BTBD9: variants seen among roughly 807,000 people sequenced by gnomAD.
The protein encoded by BTBD9 is BTB/POZ domain-containing protein 9.
In BTBD9, 49 loss-of-function variants were observed where a neutral mutation model predicts 64.3. The observed-to-expected ratio is 0.76, with a 90% CI of 0.61 to 0.97. The LOEUF (loss-of-function observed/expected upper bound fraction) is 0.97, where lower values mean the gene tolerates loss of function less well. Among genes scored for constraint, BTBD9 ranks in the 50% least tolerant of loss-of-function variants. The pLI is 0.00. For missense variants in BTBD9, 598 were observed against 762.1 expected (o/e 0.78, Z 2.53); for synonymous variants, 260 against 274.7 (o/e 0.95, Z 0.53).
chr6:38,574,923 A>T (rs914479278), intron 6 of BTBD9, among the ~76,000 whole-genome samples: 1 of 152,196 alleles, frequency 6.6e-6, no homozygotes, highest in African/African-American at 2.4e-5. Context: ...TTTCTACTAC[A>T]CAGTTCTGAT....
At chr6:38,597,140 ACT>A (rs1470014771) in intron 2 of BTBD9, among the ~76,000 whole-genome samples, 1 of 152,080 alleles carries the variant, frequency 6.6e-6, no homozygotes, top group Non-Finnish European at 1.5e-5. Context: ...AACATGTCTG[ACT>A]CTAGGTGTTG....
intron 6 of BTBD9, among the ~76,000 whole-genome samples, chr6:38,465,703 T>C (rs1562224177): frequency 1.2e-5 from 1 of 81,728 alleles, no homozygotes; most frequent in Non-Finnish European, 2.4e-5. Flanking sequence ...AATAAATAAA[T>C]AAATTATATA....
At chr6:38,423,136 A>G (rs2127280074) in intron 6 of BTBD9, among the ~76,000 whole-genome samples, 1 of 152,108 alleles carries the variant, frequency 6.6e-6, no homozygotes, top group Non-Finnish European at 1.5e-5. Flanking sequence ...TTGGTGGTGC[A>G]TGTCTGTAAT....
intron 9 of BTBD9, among the ~76,000 whole-genome samples, chr6:38,255,370 T>C (rs1764539135): frequency 6.6e-6 from 1 of 152,254 alleles, no homozygotes; most frequent in Non-Finnish European, 1.5e-5. Flanking sequence ...ATACTGTGAC[T>C]ATACTAAAAA....
intron 6 of BTBD9, among the ~76,000 whole-genome samples, chr6:38,435,663 C>G (rs1768694546): frequency 2.2e-5 from 3 of 134,154 alleles, no homozygotes; most frequent in South Asian, 5.3e-4. Flanking sequence ...CTTCCTTTCT[C>G]TCTCTCTCTC....
intron 6 of BTBD9, among the ~76,000 whole-genome samples, chr6:38,387,753 A>C (rs1766241173): frequency 1.3e-5 from 2 of 152,174 alleles, no homozygotes; most frequent in African/African-American, 4.8e-5. Context: ...CCCAGAGGAG[A>C]AATCTGCCAA....
chr6:38,616,359 ATACTATCAGACCCAACGCC>A (rs769222696), intron 1 of BTBD9, among the ~76,000 whole-genome samples: 5 of 152,216 alleles, frequency 3.3e-5, no homozygotes, highest in Non-Finnish European at 7.3e-5. Flanking sequence ...ATGGCCATCA[ATACTATCAGACCCAACGCC>A]TACTTTTTAT....
intron 6 of BTBD9, among the ~76,000 whole-genome samples, chr6:38,522,890 A>G (rs1773330812): frequency 6.6e-6 from 1 of 152,038 alleles, no homozygotes; most frequent in African/African-American, 2.4e-5. Context: ...TCTGCTCAAA[A>G]AAAGAGTCAG....
chr6:38,248,912 C>T (rs771685244), intron 9 of BTBD9, among the ~76,000 whole-genome samples: 11 of 152,032 alleles, frequency 7.2e-5, no homozygotes, highest in Non-Finnish European at 1.2e-4. Flanking sequence ...ATTTCCATAC[C>T]GAAGCAAACT....
chr6:38,369,968 G>T (rs987115207), intron 6 of BTBD9, among the ~76,000 whole-genome samples: 1 of 152,216 alleles, frequency 6.6e-6, no homozygotes. Context: ...GACTACACAG[G>T]CCTGGAAGGA....
At position 38,457,733 on chromosome 6, in the gene BTBD9, A is replaced by G. The variant is rs559917286; in HGVS notation, c.1155-112640T>C. Among the ~76,000 whole-genome samples the G allele has an allele frequency of 9.2e-5, 14 of 152,278 alleles. No individual in the cohort carries two copies. In the South Asian group the frequency reaches 2.9e-3, roughly 32 times the overall value. ...GAGAGCTAGGAGCATATACATGTAT[A>G]AGAAAGGAGAGTATAAGTAGAGAAA... On this transcript the variant is annotated intron_variant, in intron 6 of 10. Transcript: ENST00000481247.
chr6:38,434,328 A>C (rs1768603971), intron 6 of BTBD9, among the ~76,000 whole-genome samples: 1 of 151,968 alleles, frequency 6.6e-6, no homozygotes, highest in African/African-American at 2.4e-5. Flanking sequence ...ATGAGACTTC[A>C]AAGGAACCTT....
intron 9 of BTBD9, among the ~76,000 whole-genome samples, chr6:38,209,760 C>T (rs185321929): frequency 3.9e-5 from 6 of 152,246 alleles, no homozygotes; most frequent in Admixed American, 6.5e-5. Flanking sequence ...GACTACAGTC[C>T]GCTTCCACCT....
intron 6 of BTBD9, among the ~76,000 whole-genome samples, chr6:38,464,537 C>T (rs1380318808): frequency 6.6e-6 from 1 of 151,814 alleles, no homozygotes; most frequent in Non-Finnish European, 1.5e-5. Context: ...ACTCTGTTGC[C>T]CAGGCTGGAG....
chr6:38,587,402 A>C (rs1273403739), intron 4 of BTBD9: 2 of 503,490 alleles, frequency 4.0e-6, no homozygotes, highest in Non-Finnish European at 7.8e-6. Flanking sequence ...ATTCCTATTC[A>C]TAATGAAGAT....
chr6:38,301,408 T>C (rs1762397971), intron 7 of BTBD9, among the ~76,000 whole-genome samples: 1 of 152,234 alleles, frequency 6.6e-6, no homozygotes. Context: ...TCTTTTTCTG[T>C]TGATTGGAGT....
intron 6 of BTBD9, among the ~76,000 whole-genome samples, chr6:38,500,269 A>AG (rs1490512738): frequency 6.8e-6 from 1 of 147,518 alleles, no homozygotes; most frequent in Non-Finnish European, 1.5e-5. Flanking sequence ...GGGTGGTAGT[A>AG]GGGGGGACCT....
At chr6:38,348,784 G>A (rs1028533253) in intron 6 of BTBD9, among the ~76,000 whole-genome samples, 1 of 152,140 alleles carries the variant, frequency 6.6e-6, no homozygotes, top group Admixed American at 6.5e-5. Context: ...AACCCTCCAA[G>A]GACAGCACTC....
intron 1 of BTBD9, among the ~76,000 whole-genome samples, chr6:38,616,345 T>C (rs796802859): frequency 1.4e-4 from 21 of 152,310 alleles, no homozygotes; most frequent in African/African-American, 4.3e-4. Context: ...CTTTTACTTA[T>C]ATAATGGCCA....
Sources: allele counts gnomAD v4.1 joint callset (sites outside exome capture counted in the v4.1 genomes callset), GRCh38; gene constraint gnomAD v4.1.1; transcripts MANE v1.5; gene names NCBI Gene and HGNC (gene_info 2026-07-23, HGNC 2026-07-21).